The following CHRNE variants were observed in gnomAD, a reference collection of about 807,000 sequenced individuals.
CHRNE encodes cholinergic receptor nicotinic epsilon subunit.
In CHRNE, 58 loss-of-function variants were observed where a neutral mutation model predicts 56.5. The observed-to-expected ratio is 1.03, with a 90% CI of 0.83 to 1.28. CHRNE has a LOEUF of 1.28. Ranked by LOEUF, CHRNE falls within the 50% of genes most tolerant of loss-of-function variation. The probability of loss-of-function intolerance (pLI) is 0.00; values close to 1 mark genes in which losing one functional copy is unlikely to be tolerated. For missense variants in CHRNE, 793 were observed against 688.9 expected (o/e 1.15, Z -1.69); for synonymous variants, 385 against 297.9 (o/e 1.29, Z -3.01).
intron 5 of CHRNE, 48 bp downstream of exon 5, chr17:4,901,884 G>GCCCCC (rs113559784): frequency 7.2e-6 from 11 of 1,526,248 alleles, no homozygotes; most frequent in African/African-American, 5.7e-5. Flanking sequence ...GCCCCATAAG[G>GCCCCC]CCCCCCCCCA....
In CHRNE at chr17:4,902,022, G is replaced by T. The variant is rs146089157; in HGVS notation, c.410C>A (p.Thr137Lys). Residue 137 changes from threonine to lysine, a missense_variant, in exon 5 of 12, where the codon ACG becomes AAG. Coordinates refer to ENST00000649488, the MANE Select transcript of CHRNE (RefSeq NM_000080.4). This position sits in a 1 kb window ranked among gnomAD's most constrained non-coding sequence, Gnocchi z 4.0. ...GCGGTAGATGGCCGGAGGCAGCCAC[G>T]TCACGGAGCCGCCCTCGTAGACGAG... Reference protein sequence around the residue: ...NVLVYEGGSVTWLPPAIYRSV... With the variant: ...NVLVYEGGSVKWLPPAIYRSV... 74 of 1,613,992 alleles carry T rather than the reference G, an allele frequency of 4.6e-5. 1 individual carries two copies. In the South Asian group the frequency reaches 8.0e-4, roughly 17 times the overall value.
chr17:4,902,998 C>T lies in CHRNE; in HGVS notation c.46+20G>A, dbSNP rs368007857. On this transcript the variant is annotated intron_variant, in intron 1 of 11. Transcript: ENST00000649488. This position sits in a 1 kb window ranked among gnomAD's most constrained non-coding sequence, Gnocchi z 4.0. Reference sequence around the variant, plus strand: ...CAGTATCTGTGTGTGTCCAATTGCCCCTCTAGCCCCTGTCCGTACCGAGAA... The same window carrying T: ...CAGTATCTGTGTGTGTCCAATTGCCTCTCTAGCCCCTGTCCGTACCGAGAA... 4.9e-5 allele frequency: 79 copies of T among 1,613,862 alleles called. No individual in the cohort carries two copies. The African/African-American group carries it at 1.0e-3, about 20-fold the overall frequency.
At position 4,898,565 on chromosome 17, in the gene CHRNE, T is replaced by C; in HGVS notation, c.*171A>G. On this transcript the variant is annotated 3_prime_UTR_variant, in exon 12 of 12. Coordinates refer to ENST00000649488, the MANE Select transcript of CHRNE (RefSeq NM_000080.4). Reference sequence around the variant, plus strand: ...CCTTTCCTCCTGCTGACCCCTGGACTGCGGCCAGGCCTACACACGCCAGGG... The same window carrying C: ...CCTTTCCTCCTGCTGACCCCTGGACCGCGGCCAGGCCTACACACGCCAGGG... The C allele has an allele frequency of 3.5e-6, 3 of 854,880 alleles. No individual in the cohort carries two copies. The highest frequency in any genetic ancestry group is 4.3e-5 in the Admixed American group (2 of 46,712). 53.0% of individuals were successfully genotyped at this position (854,880 alleles called of 1,614,324 possible).
chr17:4,901,022 A>G lies in CHRNE; in HGVS notation c.770T>C (p.Leu257Pro). ...IIVPCVLISG[L>P]VLLAYFLPAQ... ...CGGCAGGAAGTAGGCGAGCAGCACC[A>G]GGCCCGAGATGAGCACACAGGGCAC... The change falls in exon 7 of 12, where the codon CTG (leucine) becomes CCG (proline). Residue 257 changes from leucine (L) to proline (P), a missense_variant. Physicochemically the swap from Leu to Pro is moderately conservative, Grantham distance 98 (BLOSUM62 -3). Coordinates refer to ENST00000649488, the MANE Select transcript of CHRNE (RefSeq NM_000080.4). 6.2e-7 allele frequency: 1 copy of G among 1,614,032 alleles called. No homozygotes were observed. Among genetic ancestry groups the G allele is most frequent in the South Asian group, 1.1e-5 (1 of 91,090 alleles).
At chr17:4,901,436 T>G in intron 6 of CHRNE, 89 bp downstream of exon 6, 1 of 1,209,812 alleles carries the variant, frequency 8.3e-7, no homozygotes, top group East Asian at 2.3e-5. Context: ...CATCCTCCAG[T>G]GTCGTTGGTC....
At chr17:4,900,352 A>AG (rs1969940397) in intron 8 of CHRNE, 1 of 1,547,880 alleles carries the variant, frequency 6.5e-7, no homozygotes, top group Non-Finnish European at 8.7e-7. Flanking sequence ...GCCGCAGGGC[A>AG]GGGGGTTCGG....
upstream of CHRNE, among the ~76,000 whole-genome samples, chr17:4,906,585 C>T (rs949558216): frequency 1.3e-5 from 2 of 151,942 alleles, no homozygotes; most frequent in Non-Finnish European, 2.9e-5. Context: ...TATAAGAAAA[C>T]GTGCTCAGCA....
Position 4,900,768 on chromosome 17 carries a change from A to AC in CHRNE, c.917+24dup, listed in dbSNP as rs149568951. 6,383 of 1,602,566 alleles carry AC rather than the reference A, an allele frequency of 4.0e-3. 14 individuals are homozygous for AC. The highest frequency in any genetic ancestry group is 7.2e-3 in the Middle Eastern group (43 of 5,996). ...CGCCCCCACCCTTCACACTGGCCACACCCCCGCGGGGGCTCCGGCTTCACC... is the reference window on the plus strand; with the variant it reads ...CGCCCCCACCCTTCACACTGGCCACACCCCCCGCGGGGGCTCCGGCTTCACC... On this transcript the variant is annotated intron_variant, in intron 8 of 11. Coordinates refer to ENST00000649488, the MANE Select transcript of CHRNE (RefSeq NM_000080.4).
At chr17:4,899,843 GCCAAGGGCTGCA>G (rs1259150091) in intron 8 of CHRNE, 1 of 1,551,100 alleles carries the variant, frequency 6.4e-7, no homozygotes, top group Admixed American at 2.0e-5. Context: ...GGCTACGCCC[GCCAAGGGCTGCA>G]CCTCGAGACC....
chr17:4,905,478 T>C (rs1247734107), upstream of CHRNE, among the ~76,000 whole-genome samples: 2 of 152,020 alleles, frequency 1.3e-5, no homozygotes, highest in Non-Finnish European at 2.9e-5. Context: ...GGCGGGAGGA[T>C]TGCTTGACCC....
rs988348282 is a variant in CHRNE at position 4,900,396 on chromosome 17, C to G, written c.917+397G>C. 3 of 1,550,450 alleles carry G rather than the reference C, an allele frequency of 1.9e-6. No individual in the cohort carries two copies. In the South Asian group the frequency reaches 3.6e-5, roughly 18 times the overall value. On this transcript the variant is annotated intron_variant, in intron 8 of 11. Coordinates refer to ENST00000649488, the MANE Select transcript of CHRNE (RefSeq NM_000080.4). ...GGCTGCGGTGGGCGCCAGCGCCCGG[C>G]TCCTAGTCCAGGGAGCATGGCTATG...
Position 4,902,135 on chromosome 17 carries a change from C to CA in CHRNE, c.345-49dup. On this transcript the variant is annotated intron_variant, in intron 4 of 11. Coordinates refer to ENST00000649488, the MANE Select transcript of CHRNE (RefSeq NM_000080.4). This position sits in a 1 kb window ranked among gnomAD's most constrained non-coding sequence, Gnocchi z 4.0. The stretch of plus-strand genomic sequence containing the variant: ...CTTTTTGCACAGGTCTGCACCCTCT[C>CA]AGAGTACCCCCTTCCCCAACCAAGT... 6.2e-7 allele frequency: 1 copy of CA among 1,613,716 alleles called. No individual in the cohort carries two copies. Among genetic ancestry groups the CA allele is most frequent in the Non-Finnish European group, 8.5e-7 (1 of 1,179,848 alleles).
upstream of CHRNE, among the ~76,000 whole-genome samples, chr17:4,906,233 GC>G (rs553825936): frequency 5.7e-4 from 87 of 152,248 alleles, no homozygotes; most frequent in Non-Finnish European, 9.1e-4. Flanking sequence ...GCCTAAGACT[GC>G]CTTGTTTAGG....
rs748603509 is a variant in CHRNE, at chr17:4,902,424, C to T, written c.234+26G>A. 1.2e-6 allele frequency: 2 copies of T among 1,614,204 alleles called. No homozygotes were observed. The highest frequency in any genetic ancestry group is 2.2e-5 in the South Asian group (2 of 91,088). The stretch of plus-strand genomic sequence containing the variant: ...AAAAGGGGTGCCCTGGACAAGACCT[C>T]ACACCATTCCCCAGATTTGACTCAC... On this transcript the variant is annotated intron_variant, in intron 3 of 11. Transcript: ENST00000649488. The surrounding 1 kb of genome is among the most constrained non-coding windows in gnomAD (Gnocchi z 4.0).
chr17:4,899,569 C>T lies in CHRNE; in HGVS notation c.931G>A (p.Val311Ile). 6.3e-7 allele frequency: 1 copy of T among 1,589,754 alleles called. No homozygotes were observed. Among genetic ancestry groups the T allele is most frequent in the Non-Finnish European group, 8.6e-7 (1 of 1,168,916 alleles). The change falls in exon 9 of 12, where the codon GTC becomes ATC. Residue 311 changes from valine (V) to isoleucine (I), a missense_variant. Coordinates refer to ENST00000649488, the MANE Select transcript of CHRNE (RefSeq NM_000080.4). ...VPLLGRFLIF[V>I]MVVATLIVMN... ...ACAATGAGCGTGGCGACCACCATGA[C>T]GAAAATAAGGAACCTGAGGAGCCCG...
upstream of CHRNE, among the ~76,000 whole-genome samples, chr17:4,907,996 G>A (rs1437937557): frequency 6.6e-6 from 1 of 152,032 alleles, no homozygotes; most frequent in African/African-American, 2.4e-5. Context: ...TCAACATGGT[G>A]AAACCCCGTC....
intron 8 of CHRNE, chr17:4,899,855 A>T (rs187059456): frequency 1.4e-5 from 22 of 1,550,598 alleles, no homozygotes; most frequent in Non-Finnish European, 1.7e-5. Flanking sequence ...CAAGGGCTGC[A>T]CCTCGAGACC....
At chr17:4,904,469 T>G (rs1970064652), upstream of CHRNE, among the ~76,000 whole-genome samples, 1 of 152,158 alleles carries the variant, frequency 6.6e-6, no homozygotes. Context: ...ATTTCGGGAC[T>G]AGGGTGCCAG....
chr17:4,901,742 C>CA, intron 5 of CHRNE, 117 bp from the exon 6 acceptor site: 1 of 1,269,986 alleles, frequency 7.9e-7, no homozygotes, highest in South Asian at 1.2e-5. Context: ...CCCCTTCACC[C>CA]AAGCCCAGCC....
Sources: gnomAD v4.1 joint callset for allele counts (sites outside exome capture counted in the v4.1 genomes callset) on GRCh38, gnomAD v4.1.1 for gene constraint, Gnocchi (gnomAD v3.1) non-coding constraint, MANE v1.5 for transcripts, NCBI Gene and HGNC (gene_info 2026-07-23, HGNC 2026-07-21) for gene names.